Variants in DLG2 observed in about 807,000 individuals in gnomAD.
The protein encoded by DLG2 is disks large homolog 2.
In DLG2, 45 loss-of-function variants were observed where a neutral mutation model predicts 132.5. The ratio of observed to expected loss-of-function variants is 0.34; its 90% confidence interval spans 0.27 to 0.44. The LOEUF is 0.44. Ranked by LOEUF, DLG2 falls within the 20% of genes least tolerant of loss-of-function variation. The pLI, the probability that DLG2 is intolerant of heterozygous loss-of-function variation, is 1.00. For synonymous variants in DLG2, 424 were observed against 419.6 expected, an observed-to-expected ratio of 1.01 and a Z score of -0.13; for missense variants, 1,045 against 1,196.9, an observed-to-expected ratio of 0.87 and a Z score of 1.87.
At chr11:84,195,939 A>G (rs1227669476) in intron 8 of DLG2, among the ~76,000 whole-genome samples, 2 of 152,132 alleles carry the variant, frequency 1.3e-5, no homozygotes, top group Non-Finnish European at 2.9e-5. Context: ...AGGACATAGA[A>G]CTCCTGACAC....
intron 6 of DLG2, among the ~76,000 whole-genome samples, chr11:84,942,453 A>G (rs2049573219): frequency 1.3e-5 from 2 of 152,090 alleles, no homozygotes; most frequent in African/African-American, 4.8e-5. Context: ...AGAGATTTTA[A>G]CATTTCCTTT....
intron 3 of DLG2, among the ~76,000 whole-genome samples, chr11:85,309,532 G>A (rs553333909): frequency 6.6e-6 from 1 of 151,610 alleles, no homozygotes; most frequent in Non-Finnish European, 1.5e-5. Flanking sequence ...GTTTCTAATT[G>A]TTACTAAGAA....
intron 3 of DLG2, among the ~76,000 whole-genome samples, chr11:85,505,046 C>A (rs144336848): frequency 0.035 from 5,394 of 151,954 alleles, 144 homozygotes; most frequent in Admixed American, 0.053. Context: ...TACAGGAATG[C>A]TTGTGATTTT....
intron 6 of DLG2, among the ~76,000 whole-genome samples, chr11:84,753,080 C>T (rs903513874): frequency 3.3e-5 from 5 of 152,036 alleles, no homozygotes; most frequent in Non-Finnish European, 7.4e-5. Flanking sequence ...TTATTTTTTC[C>T]ACCAGAAGTT....
At chr11:85,226,164 A>AAAT (rs140225286) in intron 4 of DLG2, among the ~76,000 whole-genome samples, 11,007 of 150,454 alleles carry the variant, frequency 0.073, 487 homozygotes, top group East Asian at 0.11. Flanking sequence ...TTTATAATAA[A>AAAT]AATAATATAA....
intron 8 of DLG2, among the ~76,000 whole-genome samples, chr11:84,249,519 T>A (rs559522013): frequency 1.7e-3 from 256 of 152,304 alleles, no homozygotes; most frequent in African/African-American, 5.8e-3. Flanking sequence ...TTACTTGACC[T>A]CTTTATGACT....
chr11:83,617,600 A>G (rs1289817380), intron 19 of DLG2, among the ~76,000 whole-genome samples: 1 of 152,104 alleles, frequency 6.6e-6, no homozygotes, highest in Non-Finnish European at 1.5e-5. Context: ...TTTCCTTCCA[A>G]TCATCTTACT....
At chr11:83,469,729 C>T (rs2091759464) in intron 24 of DLG2, among the ~76,000 whole-genome samples, 1 of 152,110 alleles carries the variant, frequency 6.6e-6, no homozygotes. Context: ...TGAGTCAGAA[C>T]CCATGGAGAT....
chr11:85,201,708 A>G (rs1435863305), intron 4 of DLG2, among the ~76,000 whole-genome samples: 9 of 152,224 alleles, frequency 5.9e-5, no homozygotes, highest in Non-Finnish European at 1.2e-4. Context: ...ACAAGCATCA[A>G]GAACATTCAG....
chr11:83,714,735 T>A (rs1421979564), intron 18 of DLG2, among the ~76,000 whole-genome samples: 12 of 152,220 alleles, frequency 7.9e-5, no homozygotes, highest in Admixed American at 1.3e-4. Flanking sequence ...TGTTTTATTA[T>A]TATTATACTT....
Position 84,911,954 on chromosome 11 carries a change from A to G in DLG2, c.357+199707T>C, listed in dbSNP as rs1940127. On this transcript the variant is annotated intron_variant, in intron 6 of 27. Coordinates refer to ENST00000376104, the MANE Select transcript of DLG2 (RefSeq NM_001142699.3). ...GCAGTTAATTTTTTTCATCTCCTCA[A>G]CTGTAAGACTAAGCATCATTTTATC... Among the ~76,000 whole-genome samples, 1,307 of 152,278 alleles carry G rather than the reference A, an allele frequency of 8.6e-3. 56 individuals are homozygous for G. Among genetic ancestry groups the G allele is most frequent in the Admixed American group, 0.068 (1,038 of 15,292 alleles).
At chr11:84,533,306 G>A (rs1393627590) in intron 7 of DLG2, among the ~76,000 whole-genome samples, 1 of 152,106 alleles carries the variant, frequency 6.6e-6, no homozygotes, top group Non-Finnish European at 1.5e-5. Context: ...AGGTAAAAAA[G>A]GTTTAGTCCC....
At chr11:84,497,429 G>GCAT (rs749054126) in intron 7 of DLG2, among the ~76,000 whole-genome samples, 36 of 152,130 alleles carry the variant, frequency 2.4e-4, no homozygotes, top group Non-Finnish European at 3.5e-4. Context: ...TCTACTTGAA[G>GCAT]CATCCTAAAT....
At chr11:83,723,611 T>G (rs1018267687) in intron 18 of DLG2, among the ~76,000 whole-genome samples, 4 of 152,062 alleles carry the variant, frequency 2.6e-5, no homozygotes, top group Non-Finnish European at 5.9e-5. Flanking sequence ...TCTCAGCACT[T>G]TGGGAGGCCA....
intron 6 of DLG2, among the ~76,000 whole-genome samples, chr11:84,585,630 A>G (rs1369519555): frequency 1.3e-5 from 2 of 152,272 alleles, no homozygotes; most frequent in Non-Finnish European, 2.9e-5. Flanking sequence ...ATTTATATCC[A>G]TGACCATAGC....
intron 6 of DLG2, among the ~76,000 whole-genome samples, chr11:85,073,324 A>T (rs551489136): frequency 1.3e-5 from 2 of 151,964 alleles, no homozygotes; most frequent in African/African-American, 4.8e-5. Context: ...GCTTCACTGG[A>T]AATGGCACAG....
intron 4 of DLG2, among the ~76,000 whole-genome samples, chr11:85,259,641 G>A (rs1213193924): frequency 4.6e-5 from 7 of 151,688 alleles, no homozygotes; most frequent in Non-Finnish European, 7.4e-5. Context: ...TCTTCTGCTT[G>A]CTTGAATCTG....
intron 18 of DLG2, among the ~76,000 whole-genome samples, chr11:83,653,174 C>T (rs1474208588): frequency 6.6e-6 from 1 of 152,158 alleles, no homozygotes. Context: ...CTATCATAGT[C>T]CCAATTATCA....
intron 6 of DLG2, among the ~76,000 whole-genome samples, chr11:84,586,239 C>T (rs2099529642): frequency 6.7e-6 from 1 of 148,804 alleles, no homozygotes; most frequent in South Asian, 2.1e-4. Context: ...TGTTTATATA[C>T]ACTAAGGATA....
Sources: allele counts gnomAD v4.1 joint callset (sites outside exome capture counted in the v4.1 genomes callset), GRCh38; gene constraint gnomAD v4.1.1; transcripts MANE v1.5; gene names NCBI Gene and HGNC (gene_info 2026-07-23, HGNC 2026-07-21).